Variants in CSF2RB observed in about 807,000 individuals in gnomAD.
The protein encoded by CSF2RB is cytokine receptor common subunit beta.
In CSF2RB, 22 loss-of-function variants were observed where a neutral mutation model predicts 67.2. That is an observed-to-expected ratio of 0.33 (90% CI 0.23 to 0.47). The LOEUF (loss-of-function observed/expected upper bound fraction) is 0.47. CSF2RB is among the 20% of genes least tolerant of loss of function. The pLI is 1.00. For synonymous variants in CSF2RB, 507 were observed against 482.9 expected (o/e 1.05, Z -0.65); for missense variants, 1,113 against 1,174.5 (o/e 0.95, Z 0.76).
chr22:36,917,483 G>A (rs1488072087), intron 1 of CSF2RB, among the ~76,000 whole-genome samples: 2 of 152,082 alleles, frequency 1.3e-5, no homozygotes, highest in Non-Finnish European at 2.9e-5. Flanking sequence ...TGAGTAAGAA[G>A]GTGTTTGGTT....
chr22:36,939,323 C>T lies in CSF2RB; in HGVS notation c.*821C>T, dbSNP rs978141246. 100 of 697,884 alleles carry T rather than the reference C, an allele frequency of 1.4e-4. No homozygotes were observed. Among genetic ancestry groups the T allele is most frequent in the Non-Finnish European group, 1.5e-4 (58 of 382,466 alleles). The allele number at this position is 697,884 out of a possible 1,614,324, so 43.2% of individuals were successfully genotyped here. On this transcript the variant is annotated 3_prime_UTR_variant, in exon 14 of 14. Transcript: ENST00000403662. ...CATCAGGAGAGGAGTCCAGAGCCCA[C>T]GTCTACTGCGGAAAAGTCAGGGGAA...
At chr22:36,921,961 C>A in intron 1 of CSF2RB, 75 bp from the exon 2 acceptor site, 1 of 588,308 alleles carries the variant, frequency 1.7e-6, no homozygotes, top group African/African-American at 1.9e-5. Flanking sequence ...TCTGGGTTGT[C>A]CCCACAACAC....
chr22:36,928,359 T>C (rs1941070902), intron 4 of CSF2RB, among the ~76,000 whole-genome samples: 1 of 152,060 alleles, frequency 6.6e-6, no homozygotes. Flanking sequence ...GAGCTCCCCC[T>C]CCATGACAGC....
At chr22:36,923,191 G>T in intron 2 of CSF2RB, 53 bp from the exon 3 acceptor site, 1 of 1,613,668 alleles carries the variant, frequency 6.2e-7, no homozygotes, top group South Asian at 1.1e-5. Context: ...GGGTGATGGT[G>T]ACAAGGGTCC....
rs148514917 is a variant in CSF2RB at position 36,923,691 on chromosome 22, T to A, written c.200+324T>A. ...CCACATGACCTATCTTAGTTCCTCC[T>A]CACTGTGAGGTGGGCAGGGCCAGGC... is the stretch of plus-strand genomic sequence containing the variant. On this transcript the variant is annotated intron_variant, in intron 3 of 13. Coordinates refer to ENST00000403662, the MANE Select transcript of CSF2RB (RefSeq NM_000395.3). 3.7e-6 allele frequency: 5 copies of A among 1,338,478 alleles called. No homozygotes were observed. In the African/African-American group the frequency reaches 4.4e-5, roughly 12 times the overall value. 82.9% of individuals were successfully genotyped at this position (1,338,478 alleles called of 1,614,324 possible). A position where few individuals can be genotyped will look rare whatever the true frequency, so the allele number is the denominator to read the frequency against.
rs755915142 is a variant in CSF2RB, at chr22:36,929,737, G to A, written c.648G>A (p.Leu216=). The A allele has an allele frequency of 4.3e-6, 7 of 1,614,088 alleles. No individual in the cohort carries two copies. The part of the protein sequence containing the change: ...STYVARVRTR[L]APGSRLSGRP... ...ACGTGGCCCGAGTACGGACCCGCCT[G>A]GCCCCAGGTTCTCGGCTCTCAGGAC... The change falls in exon 6 of 14, where the codon CTG becomes CTA. Residue 216 remains leucine, a synonymous_variant. Transcript: ENST00000403662.
At chr22:36,936,884 A>G (rs1453485542) in intron 13 of CSF2RB, among the ~76,000 whole-genome samples, 3 of 152,136 alleles carry the variant, frequency 2.0e-5, no homozygotes, top group African/African-American at 4.8e-5. Flanking sequence ...AGAGGGAAAC[A>G]GTTGGCCTTC....
chr22:36,938,692 G>GACACACAC lies in CSF2RB; in HGVS notation c.*199_*206dup, dbSNP rs555525962. On this transcript the variant is annotated 3_prime_UTR_variant, in exon 14 of 14. Coordinates refer to ENST00000403662, the MANE Select transcript of CSF2RB (RefSeq NM_000395.3). The stretch of plus-strand genomic sequence containing the variant: ...TCACTTCTCTCCCTGCGCTCACACA[G>GACACACAC]ACACACACACACACACGTACATGCA... The GACACACAC allele has an allele frequency of 6.8e-6, 4 of 592,094 alleles. No homozygotes were observed. The East Asian group carries it at 1.1e-4, about 17-fold the overall frequency. 36.7% of individuals were successfully genotyped at this position (592,094 alleles called of 1,614,324 possible).
chr22:36,935,206 C>G, intron 10 of CSF2RB, 145 bp from the exon 11 acceptor site: 6 of 773,982 alleles, frequency 7.8e-6, no homozygotes, highest in Non-Finnish European at 1.3e-5. Flanking sequence ...CCTCTCTCCC[C>G]TAATCCCCCA....
intron 8 of CSF2RB, among the ~76,000 whole-genome samples, chr22:36,931,715 T>C (rs1001225707): frequency 2.0e-5 from 3 of 152,186 alleles, no homozygotes; most frequent in African/African-American, 7.2e-5. Context: ...AGTTTCTGCT[T>C]TCTTTACCCT....
intron 1 of CSF2RB, 39 bp downstream of exon 1, chr22:36,913,716 G>A (rs1054960833): frequency 1.3e-5 from 2 of 152,572 alleles, no homozygotes; most frequent in African/African-American, 4.8e-5. Context: ...GAGGGGTGGG[G>A]TCAGAGCAGG....
At chr22:36,929,921 G>A (rs1452853714) in intron 6 of CSF2RB, 114 bp downstream of exon 6, 11 of 1,405,090 alleles carry the variant, frequency 7.8e-6, no homozygotes, top group Non-Finnish European at 1.1e-5. Flanking sequence ...ATCTCCTGCT[G>A]CCATCTTTCC....
chr22:36,935,250 G>A (rs1361285068), intron 10 of CSF2RB, 101 bp from the exon 11 acceptor site: 2 of 1,064,010 alleles, frequency 1.9e-6, no homozygotes, highest in Non-Finnish European at 1.4e-6. Context: ...GGCCTGCACA[G>A]AGCGGGGTCT....
intron 1 of CSF2RB, among the ~76,000 whole-genome samples, chr22:36,916,797 T>G (rs777174975): frequency 6.6e-6 from 1 of 152,134 alleles, no homozygotes; most frequent in Non-Finnish European, 1.5e-5. Context: ...AGGCAAAGTT[T>G]GCAGTGAGCC....
At chr22:36,929,903 C>A in intron 6 of CSF2RB, 96 bp downstream of exon 6, 1 of 1,465,902 alleles carries the variant, frequency 6.8e-7, no homozygotes, top group South Asian at 1.3e-5. Context: ...CACCTGGGGG[C>A]TTCCCAGATC....
chr22:36,919,407 G>GT (rs1408146770), intron 1 of CSF2RB, among the ~76,000 whole-genome samples: 5 of 151,606 alleles, frequency 3.3e-5, no homozygotes, highest in African/African-American at 1.2e-4. Flanking sequence ...GATTGTTGTT[G>GT]TTTTTTTGTT....
intron 1 of CSF2RB, among the ~76,000 whole-genome samples, chr22:36,921,250 G>A (rs1940860401): frequency 7.1e-6 from 1 of 141,368 alleles, no homozygotes. Flanking sequence ...CTGTGTGTGT[G>A]TTTGTATGTG....
At chr22:36,935,716 G>A (rs1466726106) in intron 12 of CSF2RB, 29 bp downstream of exon 12, 2 of 1,604,752 alleles carry the variant, frequency 1.2e-6, no homozygotes, top group African/African-American at 2.7e-5. Context: ...GGGCGGAGTG[G>A]GGGCTTCTCT....
chr22:36,914,163 C>A (rs1392971605), intron 1 of CSF2RB, among the ~76,000 whole-genome samples: 2 of 151,932 alleles, frequency 1.3e-5, no homozygotes, highest in East Asian at 3.9e-4. Context: ...AACGCATGCT[C>A]GTGTGTTTGC....
Sources: gnomAD v4.1 joint callset for allele counts (sites outside exome capture counted in the v4.1 genomes callset) on GRCh38, gnomAD v4.1.1 for gene constraint, MANE v1.5 for transcripts, NCBI Gene and HGNC (gene_info 2026-07-23, HGNC 2026-07-21) for gene names.